ANKRD44: variants seen among roughly 807,000 people sequenced by gnomAD.
ANKRD44 encodes the protein ankyrin repeat domain 44.
A neutral mutation model predicts 116.0 loss-of-function variants in ANKRD44; 35 were observed. That is an observed-to-expected ratio of 0.30 (90% CI 0.23 to 0.40). The LOEUF (loss-of-function observed/expected upper bound fraction) is 0.40, where lower values mean the gene tolerates loss of function less well. Ranked by LOEUF, ANKRD44 falls within the 10% of genes least tolerant of loss-of-function variation. ANKRD44 has a pLI of 1.00. For missense variants in ANKRD44, 1,014 were observed against 1,242.6 expected, an observed-to-expected ratio of 0.82 and a Z score of 2.77; for synonymous variants, 435 against 461.8, an observed-to-expected ratio of 0.94 and a Z score of 0.74.
intron 1 of ANKRD44, among the ~76,000 whole-genome samples, chr2:197,292,928 A>T (rs2083612870): frequency 6.6e-6 from 1 of 152,230 alleles, no homozygotes; most frequent in Admixed American, 6.5e-5. Context: ...ATTTCTTCCC[A>T]TACTGTTTCC....
intron 9 of ANKRD44, among the ~76,000 whole-genome samples, chr2:197,107,972 T>C (rs1312261370): frequency 2.6e-5 from 4 of 152,182 alleles, no homozygotes; most frequent in South Asian, 2.1e-4. Flanking sequence ...TGCAAAAAAA[T>C]TGTCAGTTGA....
rs188746788 is a variant in ANKRD44, at chr2:197,140,265, G to C, written c.191-3603C>G. 1.9e-3 allele frequency among the ~76,000 whole-genome samples: 290 copies of C among 152,152 alleles called. 2 individuals carry two copies. Among genetic ancestry groups the C allele is most frequent in the African/African-American group, 6.5e-3 (268 of 41,494 alleles). Reference sequence around the variant, plus strand: ...CGGTTCACACCCTCAGAATGTATAAGATTGCTTAGTTTCCCCACATCCTCA... The same window carrying C: ...CGGTTCACACCCTCAGAATGTATAACATTGCTTAGTTTCCCCACATCCTCA... On this transcript the variant is annotated intron_variant, in intron 3 of 27. Transcript: ENST00000282272.
chr2:197,285,421 C>G (rs1465527328), intron 1 of ANKRD44, among the ~76,000 whole-genome samples: 1 of 152,082 alleles, frequency 6.6e-6, no homozygotes, highest in Non-Finnish European at 1.5e-5. Flanking sequence ...GAAACAGGTT[C>G]CAGGTGTGGG....
chr2:197,284,459 T>C (rs2083348358), intron 1 of ANKRD44, among the ~76,000 whole-genome samples: 1 of 148,512 alleles, frequency 6.7e-6, no homozygotes, highest in African/African-American at 2.5e-5. Flanking sequence ...CCCTAGCACA[T>C]ACCACCACAT....
At chr2:197,296,672 T>A (rs542524851) in intron 1 of ANKRD44, 1 of 152,332 alleles carries the variant, frequency 6.6e-6, no homozygotes, top group African/African-American at 2.4e-5. Flanking sequence ...CTGTGACCCT[T>A]TTTACTTTGC....
intron 1 of ANKRD44, among the ~76,000 whole-genome samples, chr2:197,293,686 A>T (rs997698634): frequency 4.6e-5 from 7 of 152,196 alleles, no homozygotes; most frequent in African/African-American, 1.7e-4. Context: ...TTCAAATAAG[A>T]ATGAAGTTCC....
chr2:196,969,411 T>C (rs192306284), intron 21 of ANKRD44, among the ~76,000 whole-genome samples: 5 of 152,320 alleles, frequency 3.3e-5, no homozygotes, highest in African/African-American at 7.2e-5. Context: ...TTCTTCATTT[T>C]CATTCCTGTT....
intron 23 of ANKRD44, 21 bp from the exon 24 acceptor site, chr2:196,999,073 T>C (rs1190183151): frequency 3.1e-6 from 5 of 1,612,372 alleles, no homozygotes; most frequent in African/African-American, 1.3e-5. Flanking sequence ...AAAACAAGTA[T>C]CACTTTAGTT....
intron 9 of ANKRD44, among the ~76,000 whole-genome samples, chr2:197,107,646 A>G (rs1292563274): frequency 1.3e-5 from 2 of 152,236 alleles, no homozygotes; most frequent in Non-Finnish European, 2.9e-5. Flanking sequence ...ACACCAATGC[A>G]ATTTAACAAA....
In ANKRD44 at chr2:197,081,700, C is replaced by T; in HGVS notation, c.1483G>A (p.Asp495Asn). Residue 495 changes from aspartate to asparagine, a missense_variant, in exon 15 of 28, where the codon GAT (aspartate) becomes AAT (asparagine). By Grantham distance (23) the Asp-to-Asn change is conservative. Transcript: ENST00000282272. ...GCTCTTTCAAGTTCTTCTGAATTAT[C>T]ATGGGCATTTCCTAAGATAGTCTTA... ...RNKTILGNAHDNSEELERARE... is the reference protein window; with the variant it reads ...RNKTILGNAHNNSEELERARE... 3 of 1,613,876 alleles carry T rather than the reference C, an allele frequency of 1.9e-6. No individual in the cohort carries two copies. The highest frequency in any genetic ancestry group is 2.2e-5 in the South Asian group (2 of 91,066).
chr2:197,105,370 C>A (rs2078401718), intron 9 of ANKRD44, among the ~76,000 whole-genome samples: 2 of 152,140 alleles, frequency 1.3e-5, no homozygotes, highest in South Asian at 4.1e-4. Context: ...GCCTCAGCCT[C>A]CCAAAGTGCT....
chr2:197,233,944 G>A (rs910723496), intron 1 of ANKRD44, among the ~76,000 whole-genome samples: 1 of 152,210 alleles, frequency 6.6e-6, no homozygotes, highest in Non-Finnish European at 1.5e-5. Context: ...GAGCTCTGCT[G>A]TGCAGCATTT....
intron 1 of ANKRD44, among the ~76,000 whole-genome samples, chr2:197,273,978 AAAATATATATATATATATATATATATAT>A (rs2082986297): frequency 2.0e-5 from 1 of 49,722 alleles, no homozygotes; most frequent in Non-Finnish European, 3.7e-5. Flanking sequence ...AAAAAAAAAA[AAAATATATATATATATATATATATATAT>A]ATATATATAT....
At chr2:197,259,302 A>G (rs1250276246) in intron 1 of ANKRD44, among the ~76,000 whole-genome samples, 2 of 152,210 alleles carry the variant, frequency 1.3e-5, no homozygotes, top group Non-Finnish European at 2.9e-5. Flanking sequence ...ACTTATATAC[A>G]TCTGTGTCCC....
In ANKRD44 at chr2:196,987,049, C is replaced by T. The variant is rs2075845899; in HGVS notation, c.*2542G>A. The T allele has an allele frequency of 1.0e-6, 1 of 984,902 alleles. No homozygotes were observed. The highest frequency in any genetic ancestry group is 1.2e-6 in the Non-Finnish European group (1 of 829,604). The allele number at this position is 984,902 out of a possible 1,614,324, so 61.0% of individuals were successfully genotyped here. A position where few individuals can be genotyped will look rare whatever the true frequency, so the allele number is the denominator to read the frequency against. On this transcript the variant is annotated 3_prime_UTR_variant, in exon 28 of 28. Coordinates refer to ENST00000282272, the MANE Select transcript of ANKRD44 (RefSeq NM_001195144.2). ...CATGCTAGAGCATAAAATATGTAGA[C>T]AAAACTACCAAATAAAAGATATTTG...
intron 10 of ANKRD44, 49 bp from the exon 11 acceptor site, chr2:197,090,081 C>T: frequency 1.4e-6 from 2 of 1,402,348 alleles, no homozygotes; most frequent in Non-Finnish European, 2.0e-6. Flanking sequence ...TCTCAAGATA[C>T]ATGCGGAAGG....
At chr2:197,159,002 CACACAT>C (rs770702316) in intron 2 of ANKRD44, among the ~76,000 whole-genome samples, 99 of 151,594 alleles carry the variant, frequency 6.5e-4, no homozygotes, top group African/African-American at 9.5e-4. Flanking sequence ...CACACACACA[CACACAT>C]ACACACACAT....
At chr2:197,089,698 G>C (rs1409350666) in intron 11 of ANKRD44, among the ~76,000 whole-genome samples, 1 of 152,208 alleles carries the variant, frequency 6.6e-6, no homozygotes, top group Admixed American at 6.5e-5. Flanking sequence ...TTTCACCCTG[G>C]AACACCCAAG....
At chr2:197,306,947 A>G (rs1453404439) in intron 1 of ANKRD44, among the ~76,000 whole-genome samples, 6 of 152,220 alleles carry the variant, frequency 3.9e-5, no homozygotes, top group Admixed American at 3.3e-4. Context: ...TAACAAATGC[A>G]GGTAAGAATA....
Sources: gnomAD v4.1 joint callset for allele counts (sites outside exome capture counted in the v4.1 genomes callset) on GRCh38, gnomAD v4.1.1 for gene constraint, MANE v1.5 for transcripts, NCBI Gene and HGNC (gene_info 2026-07-23, HGNC 2026-07-21) for gene names.